Variants in LIMS1 observed in about 807,000 individuals in gnomAD.
LIMS1 encodes LIM and senescent cell antigen-like-containing domain protein 1.
In LIMS1, 18 loss-of-function variants were observed where a neutral mutation model predicts 44.1. The ratio of observed to expected loss-of-function variants is 0.41; its 90% CI spans 0.28 to 0.61. The LOEUF (loss-of-function observed/expected upper bound fraction) is 0.61. Among genes scored for constraint, LIMS1 ranks in the 20% least tolerant of loss-of-function variants. LIMS1 has a pLI of 0.32. For missense variants in LIMS1, 201 were observed against 422.0 expected, an observed-to-expected ratio of 0.48 and a Z score of 4.59; for synonymous variants, 93 against 149.1, an observed-to-expected ratio of 0.62 and a Z score of 2.74.
intron 1 of LIMS1, among the ~76,000 whole-genome samples, chr2:108,624,421 C>T (rs553288261): frequency 3.3e-5 from 5 of 152,156 alleles, no homozygotes. Flanking sequence ...AGAAACAGTA[C>T]AAAATTGAAG....
At chr2:108,607,014 A>G (rs2104739553) in intron 1 of LIMS1, 1 of 577,154 alleles carries the variant, frequency 1.7e-6, no homozygotes, top group Middle Eastern at 4.6e-4. Context: ...CAAAATTCAT[A>G]TGTTGAACTT....
chr2:108,565,449 A>G lies in LIMS1; in HGVS notation c.32+30855A>G, dbSNP rs534822666. Among the ~76,000 whole-genome samples the G allele has an allele frequency of 4.0e-4, 61 of 152,352 alleles. No individual in the cohort carries two copies. In the South Asian group the frequency reaches 0.011, roughly 27 times the overall value. ...TAACTTAAACTGCATTATGAATTAG[A>G]GTTATAATTCTATCTTGAAAGACAA... On this transcript the variant is annotated intron_variant, in intron 1 of 9. Transcript: ENST00000544547.
rs538542522 is a variant in LIMS1 at position 108,546,811 on chromosome 2, A to T, written c.32+12217A>T. Among the ~76,000 whole-genome samples, 13 of 152,290 alleles carry T rather than the reference A, an allele frequency of 8.5e-5. No homozygotes were observed. The South Asian group carries it at 2.5e-3, about 29-fold the overall frequency. On this transcript the variant is annotated intron_variant, in intron 1 of 9. Coordinates refer to ENST00000544547, the Ensembl canonical transcript of LIMS1. ...AAGTAAGTTGTTTATGGAGACTTCTATAAAGCACCTGTAAATCATTTGGGT... is the reference window on the plus strand; with the variant it reads ...AAGTAAGTTGTTTATGGAGACTTCTTTAAAGCACCTGTAAATCATTTGGGT...
At chr2:108,561,254 C>G (rs1201210496) in intron 1 of LIMS1, among the ~76,000 whole-genome samples, 2 of 152,198 alleles carry the variant, frequency 1.3e-5, no homozygotes, top group African/African-American at 4.8e-5. Context: ...TTCCTTTTCT[C>G]TGCAGCCTCA....
At chr2:108,609,687 A>G (rs1228686749) in intron 1 of LIMS1, among the ~76,000 whole-genome samples, 1 of 152,080 alleles carries the variant, frequency 6.6e-6, no homozygotes, top group Non-Finnish European at 1.5e-5. Context: ...CAGATCTCTC[A>G]TTAGAGGAAG....
chr2:108,632,191 G>A (rs1025689848), intron 1 of LIMS1, among the ~76,000 whole-genome samples: 4 of 152,098 alleles, frequency 2.6e-5, no homozygotes, highest in Non-Finnish European at 5.9e-5. Context: ...GGCTGGTCTC[G>A]AACTCCTGAC....
intron 8 of LIMS1, among the ~76,000 whole-genome samples, chr2:108,678,256 G>A (rs1387328922): frequency 1.3e-5 from 2 of 152,222 alleles, no homozygotes; most frequent in Non-Finnish European, 2.9e-5. Flanking sequence ...CTGCAGTGTT[G>A]TATGCCAGCA....
intron 1 of LIMS1, among the ~76,000 whole-genome samples, chr2:108,644,448 C>T (rs1223347082): frequency 6.6e-6 from 1 of 152,170 alleles, no homozygotes; most frequent in Non-Finnish European, 1.5e-5. Context: ...GGCATAGCAT[C>T]AACATCAACA....
At chr2:108,562,187 C>T (rs1264526041) in intron 1 of LIMS1, among the ~76,000 whole-genome samples, 1 of 152,358 alleles carries the variant, frequency 6.6e-6, no homozygotes, top group South Asian at 2.1e-4. Context: ...CTCTCACCCT[C>T]TCCTTGGGCC....
intron 1 of LIMS1, among the ~76,000 whole-genome samples, chr2:108,599,665 T>C (rs1686896031): frequency 6.6e-6 from 1 of 152,236 alleles, no homozygotes; most frequent in African/African-American, 2.4e-5. Flanking sequence ...GGTTCCCTTT[T>C]CTCTACATCC....
intron 1 of LIMS1, among the ~76,000 whole-genome samples, chr2:108,562,139 T>G (rs1329940586): frequency 6.6e-6 from 1 of 152,252 alleles, no homozygotes; most frequent in Non-Finnish European, 1.5e-5. Context: ...AAATGTTGTA[T>G]GTGTTCTAAC....
chr2:108,544,221 AG>A (rs1392090464), intron 1 of LIMS1, among the ~76,000 whole-genome samples: 1 of 152,232 alleles, frequency 6.6e-6, no homozygotes, highest in Non-Finnish European at 1.5e-5. Context: ...TGGTCATCGT[AG>A]GGTTCAACCA....
chr2:108,661,946 A>G (rs1484886696), intron 2 of LIMS1, among the ~76,000 whole-genome samples: 7 of 152,172 alleles, frequency 4.6e-5, no homozygotes. Flanking sequence ...GGTTTGCGAC[A>G]TGAAAGAGAT....
At chr2:108,593,315 C>T (rs1453695840) in intron 1 of LIMS1, among the ~76,000 whole-genome samples, 1 of 152,162 alleles carries the variant, frequency 6.6e-6, no homozygotes, top group Non-Finnish European at 1.5e-5. Flanking sequence ...CCATTCTTCT[C>T]TTTCTTTTGC....
At chr2:108,639,085 A>G (rs897911209) in intron 1 of LIMS1, among the ~76,000 whole-genome samples, 1 of 152,096 alleles carries the variant, frequency 6.6e-6, no homozygotes, top group African/African-American at 2.4e-5. Context: ...TGGTGTTCTT[A>G]AGGAGATGAG....
intron 3 of LIMS1, among the ~76,000 whole-genome samples, chr2:108,671,537 C>T (rs552112688): frequency 6.6e-6 from 1 of 152,110 alleles, no homozygotes; most frequent in Non-Finnish European, 1.5e-5. Flanking sequence ...GCTTGCACGG[C>T]GCATAAGTGA....
intron 1 of LIMS1, among the ~76,000 whole-genome samples, chr2:108,629,723 T>C (rs1180659429): frequency 6.6e-6 from 1 of 152,232 alleles, no homozygotes; most frequent in East Asian, 1.9e-4. Context: ...GTCATTTTTT[T>C]CCCAGACAGG....
intron 1 of LIMS1, among the ~76,000 whole-genome samples, chr2:108,544,365 A>G (rs1684416228): frequency 6.6e-6 from 1 of 152,312 alleles, no homozygotes; most frequent in East Asian, 1.9e-4. Flanking sequence ...GCCTCATCCC[A>G]TACTTCTTGA....
intron 1 of LIMS1, among the ~76,000 whole-genome samples, chr2:108,615,849 A>C (rs1321828371): frequency 1.3e-5 from 2 of 152,182 alleles, no homozygotes; most frequent in African/African-American, 4.8e-5. Context: ...CAAGTGGAAC[A>C]ATGGAGGACT....
Sources: gnomAD v4.1 joint callset for allele counts (sites outside exome capture counted in the v4.1 genomes callset) on GRCh38, gnomAD v4.1.1 for gene constraint, MANE v1.5 for transcripts, NCBI Gene and HGNC (gene_info 2026-07-23, HGNC 2026-07-21) for gene names.